GFOD1: variants seen among roughly 807,000 people sequenced by gnomAD.
GFOD1 encodes the protein glucose-fructose oxidoreductase domain-containing protein 1.
In GFOD1, 9 loss-of-function variants were observed where a neutral mutation model predicts 25.4. That is an observed-to-expected ratio of 0.35 (90% CI 0.21 to 0.62). GFOD1 has a LOEUF of 0.62. GFOD1 is among the 20% of genes least tolerant of loss of function. GFOD1 has a pLI of 0.72. For missense variants in GFOD1, 403 were observed against 556.9 expected, an observed-to-expected ratio of 0.72 and a Z score of 2.78; for synonymous variants, 253 against 245.6, an observed-to-expected ratio of 1.03 and a Z score of -0.28.
At chr6:13,418,878 T>A (rs532211373) in intron 1 of GFOD1, among the ~76,000 whole-genome samples, 1 of 152,180 alleles carries the variant, frequency 6.6e-6, no homozygotes, top group Non-Finnish European at 1.5e-5. Context: ...CTGGGAAATG[T>A]TTCTCAGTCC....
chr6:13,386,131 GGCTCACCA>G (rs1785469472), intron 1 of GFOD1, among the ~76,000 whole-genome samples: 1 of 149,156 alleles, frequency 6.7e-6, no homozygotes, highest in African/African-American at 2.5e-5. Flanking sequence ...GCACTATCTA[GGCTCACCA>G]CAAACTCTAC....
chr6:13,372,989 T>C, intron 1 of GFOD1, among the ~76,000 whole-genome samples: 1 of 152,264 alleles, frequency 6.6e-6, no homozygotes, highest in East Asian at 1.9e-4. Flanking sequence ...TGGCTTCCTA[T>C]TTTTTCCTCG....
At chr6:13,467,376 G>A (rs1758395846) in intron 1 of GFOD1, among the ~76,000 whole-genome samples, 4 of 152,142 alleles carry the variant, frequency 2.6e-5, no homozygotes, top group Admixed American at 2.6e-4. Flanking sequence ...CCGCTAATTA[G>A]TATGGTGTCA....
chr6:13,443,487 CAAT>C (rs1757950447), intron 1 of GFOD1, among the ~76,000 whole-genome samples: 1 of 152,036 alleles, frequency 6.6e-6, no homozygotes. Flanking sequence ...GGAAATCAAT[CAAT>C]CAATGCAGCA....
At chr6:13,406,632 C>A (rs1785952725) in intron 1 of GFOD1, among the ~76,000 whole-genome samples, 1 of 152,196 alleles carries the variant, frequency 6.6e-6, no homozygotes, top group Non-Finnish European at 1.5e-5. Flanking sequence ...GTGCAAAGAT[C>A]TAGAGTAGCT....
At chr6:13,448,182 C>G (rs1758037528) in intron 1 of GFOD1, among the ~76,000 whole-genome samples, 1 of 152,162 alleles carries the variant, frequency 6.6e-6, no homozygotes, top group Non-Finnish European at 1.5e-5. Flanking sequence ...TTCAGCAGTT[C>G]CTTCAAAAAC....
In GFOD1 at chr6:13,361,089, AAGTCTTGGAGTTGGCC is replaced by A. The variant is rs892985228; in HGVS notation, c.*3638_*3653del. ...TTAAAATACTCTGCACACAGTGGAC[AAGTCTTGGAGTTGGCC>A]AGTCTTGGAGTTGGCCAAGACTACC... On this transcript the variant is annotated 3_prime_UTR_variant, in exon 2 of 2. Coordinates refer to ENST00000379287, the MANE Select transcript of GFOD1 (RefSeq NM_018988.4). The A allele has an allele frequency of 1.7e-5, 6 of 350,430 alleles. No individual in the cohort carries two copies. Among genetic ancestry groups the A allele is most frequent in the African/African-American group, 8.6e-5 (4 of 46,582 alleles). The allele number at this position is 350,430 out of a possible 1,614,324, so 21.7% of individuals were successfully genotyped here. A position where few individuals can be genotyped will look rare whatever the true frequency, so the allele number is the denominator to read the frequency against.
chr6:13,409,504 G>A (rs897832643), intron 1 of GFOD1, among the ~76,000 whole-genome samples: 7 of 152,178 alleles, frequency 4.6e-5, no homozygotes, highest in African/African-American at 1.4e-4. Context: ...TTTTAGTTAC[G>A]TCTTTATGCA....
chr6:13,375,809 G>C (rs951043192), intron 1 of GFOD1, among the ~76,000 whole-genome samples: 1 of 152,106 alleles, frequency 6.6e-6, no homozygotes, highest in Non-Finnish European at 1.5e-5. Context: ...AGATTGCTTC[G>C]TGTGCATTTG....
chr6:13,486,621 G>C lies in GFOD1; in HGVS notation c.253+17C>G, dbSNP rs771028426. 3 of 1,611,712 alleles carry C rather than the reference G, an allele frequency of 1.9e-6. No homozygotes were observed. Among genetic ancestry groups the C allele is most frequent in the African/African-American group, 1.3e-5 (1 of 74,978 alleles). On this transcript the variant is annotated intron_variant, in intron 1 of 1. Coordinates refer to ENST00000379287, the MANE Select transcript of GFOD1 (RefSeq NM_018988.4). ...GGGCGGGGGTGGGACGGAGGATGCG[G>C]GGTAGGGGTCGCTCACCTAGGGTTT...
rs34431944 is a variant in GFOD1, at chr6:13,447,740, CAAAAA to C, written c.253+38893_253+38897del. ...TGGGTGACAGAGCGAGACTCCTTCT[CAAAAA>C]AAAAAAAAAAAAAAAAAAAAAAAAA... On this transcript the variant is annotated intron_variant, in intron 1 of 1. Transcript: ENST00000379287. Among the ~76,000 whole-genome samples, 71 of 31,888 alleles carry C rather than the reference CAAAAA, an allele frequency of 2.2e-3. 1 individual carries two copies. Among genetic ancestry groups the C allele is most frequent in the African/African-American group, 7.6e-3 (64 of 8,476 alleles). The allele number at this position is 31,888 out of a possible 152,430, so 20.9% of individuals were successfully genotyped here.
chr6:13,415,453 C>G (rs1233354853), intron 1 of GFOD1, among the ~76,000 whole-genome samples: 1 of 152,202 alleles, frequency 6.6e-6, no homozygotes, highest in Non-Finnish European at 1.5e-5. Flanking sequence ...GCCTTGGCCT[C>G]TCCGGCTCAG....
At chr6:13,424,102 C>A (rs1786309866) in intron 1 of GFOD1, among the ~76,000 whole-genome samples, 1 of 152,096 alleles carries the variant, frequency 6.6e-6, no homozygotes, top group Admixed American at 6.5e-5. Flanking sequence ...AGGTGATCCA[C>A]CCGCCTCAGC....
At chr6:13,413,671 C>A (rs1225760469) in intron 1 of GFOD1, among the ~76,000 whole-genome samples, 1 of 152,180 alleles carries the variant, frequency 6.6e-6, no homozygotes, top group Admixed American at 6.5e-5. Context: ...ATTGACCCTG[C>A]CCTCCAAGGC....
chr6:13,450,984 T>C (rs570663023), intron 1 of GFOD1, among the ~76,000 whole-genome samples: 7 of 152,196 alleles, frequency 4.6e-5, no homozygotes, highest in Non-Finnish European at 7.3e-5. Flanking sequence ...TGCTTTGTGA[T>C]TGGTTGTCCT....
chr6:13,411,747 G>C (rs1334173386), intron 1 of GFOD1, among the ~76,000 whole-genome samples: 1 of 152,156 alleles, frequency 6.6e-6, no homozygotes. Flanking sequence ...AGGCGGGAAG[G>C]AGCACCTTAA....
intron 1 of GFOD1, chr6:13,408,247 A>G (rs1397529192): frequency 8.3e-6 from 2 of 242,208 alleles, no homozygotes; most frequent in African/African-American, 2.3e-5. Flanking sequence ...TTTCCTTCTT[A>G]GAGCAGGACC....
At chr6:13,417,214 C>T (rs999186776) in intron 1 of GFOD1, among the ~76,000 whole-genome samples, 18 of 152,280 alleles carry the variant, frequency 1.2e-4, no homozygotes, top group African/African-American at 2.2e-4. Flanking sequence ...AGTGCAGTGG[C>T]GCGATCTGGG....
chr6:13,432,510 T>C (rs1757767411), intron 1 of GFOD1, among the ~76,000 whole-genome samples: 1 of 152,062 alleles, frequency 6.6e-6, no homozygotes, highest in Admixed American at 6.5e-5. Flanking sequence ...CCCAGCTTAA[T>C]GGTATTCTAA....
Sources: gnomAD v4.1 joint callset for allele counts (sites outside exome capture counted in the v4.1 genomes callset) on GRCh38, gnomAD v4.1.1 for gene constraint, MANE v1.5 for transcripts, NCBI Gene and HGNC (gene_info 2026-07-23, HGNC 2026-07-21) for gene names.